MYBPHL: variants seen among roughly 807,000 people sequenced by gnomAD.
MYBPHL encodes myosin-binding protein H-like.
A neutral mutation model predicts 39.5 loss-of-function variants in MYBPHL; 32 were observed. The ratio of observed to expected loss-of-function variants is 0.81; its 90% CI spans 0.61 to 1.09. The LOEUF is 1.09. MYBPHL is among the 50% of genes least tolerant of loss of function. The pLI is 0.00. For synonymous variants in MYBPHL, 196 were observed against 183.7 expected (o/e 1.07, Z -0.54); for missense variants, 456 against 460.2 (o/e 0.99, Z 0.08).
chr1:109,297,004 C>T, intron 4 of MYBPHL, 46 bp downstream of exon 4: 1 of 1,613,932 alleles, frequency 6.2e-7, no homozygotes. Flanking sequence ...AGAGGCCTGT[C>T]CCAACATGCC....
chr1:109,295,053 C>A, intron 7 of MYBPHL, 58 bp downstream of exon 7: 1 of 1,575,560 alleles, frequency 6.3e-7, no homozygotes, highest in Non-Finnish European at 8.7e-7. Context: ...GACTCTTCCA[C>A]CGGTGGAGAG....
intron 1 of MYBPHL, among the ~76,000 whole-genome samples, chr1:109,304,208 A>G (rs944677822): frequency 4.6e-5 from 7 of 152,068 alleles, no homozygotes; most frequent in Admixed American, 6.6e-5. Flanking sequence ...ATTTTTACCT[A>G]TTTTGTTCAT....
chr1:109,296,103 G>A (rs1438072535), intron 6 of MYBPHL, 131 bp downstream of exon 6: 15 of 1,130,660 alleles, frequency 1.3e-5, no homozygotes, highest in South Asian at 6.3e-5. Context: ...CCTAAATACC[G>A]TGCTGTAGAA....
At chr1:109,293,580 A>G (rs1657938096) in intron 8 of MYBPHL, among the ~76,000 whole-genome samples, 2 of 144,886 alleles carry the variant, frequency 1.4e-5, no homozygotes, top group Non-Finnish European at 3.0e-5. Flanking sequence ...CGTCTCTACT[A>G]AAAAAAAAAA....
intron 5 of MYBPHL, 104 bp downstream of exon 5, chr1:109,296,679 T>A (rs1222163677): frequency 1.8e-5 from 25 of 1,356,688 alleles, no homozygotes; most frequent in Non-Finnish European, 2.6e-5. Context: ...CCTCAGGTGA[T>A]CCGCCTGCCT....
At position 109,302,039 on chromosome 1, in the gene MYBPHL, GTGTA is replaced by G. The variant is rs574246645; in HGVS notation, c.146-3786_146-3783del. Among the ~76,000 whole-genome samples the G allele has an allele frequency of 1.3e-3, 191 of 152,058 alleles. 1 individual carries two copies. The highest frequency in any genetic ancestry group is 4.0e-3 in the African/African-American group (166 of 41,500). On this transcript the variant is annotated intron_variant, in intron 1 of 8. Coordinates refer to ENST00000357155, the MANE Select transcript of MYBPHL (RefSeq NM_001010985.3). ...AGGGTGTGTGTGTGTTTGTATGAGT[GTGTA>G]TGTATGTGTGTGTGAGTGTATGTGT... is the stretch of plus-strand genomic sequence containing the variant.
chr1:109,298,047 AC>A (rs1658147260), intron 2 of MYBPHL, 121 bp downstream of exon 2: 2 of 825,780 alleles, frequency 2.4e-6, no homozygotes, highest in Non-Finnish European at 3.8e-6. Context: ...TGGTGGTGTG[AC>A]CCCTTCTATC....
chr1:109,304,118 CATCT>C (rs1658380921), intron 1 of MYBPHL, among the ~76,000 whole-genome samples: 1 of 152,224 alleles, frequency 6.6e-6, no homozygotes, highest in South Asian at 2.1e-4. Context: ...CATTTCTCAC[CATCT>C]GACATATTAG....
chr1:109,295,338 G>A lies in MYBPHL; in HGVS notation c.868-41C>T, dbSNP rs563877759. On this transcript the variant is annotated intron_variant, in intron 6 of 8. Coordinates refer to ENST00000357155, the MANE Select transcript of MYBPHL (RefSeq NM_001010985.3). ...GAGGGAGGCAGCAAGGAGGGGCGAGGGTAAGAACCAATAGTCTTTCTGTGC... is the reference window on the plus strand; with the variant it reads ...GAGGGAGGCAGCAAGGAGGGGCGAGAGTAAGAACCAATAGTCTTTCTGTGC... 12 of 1,574,074 alleles carry A rather than the reference G, an allele frequency of 7.6e-6. No homozygotes were observed. In the South Asian group the frequency reaches 1.4e-4, roughly 18 times the overall value.
In MYBPHL at chr1:109,294,770, C is replaced by T. The variant is rs961031552; in HGVS notation, c.1054+341G>A. Among the ~76,000 whole-genome samples, 51 of 152,226 alleles carry T rather than the reference C, an allele frequency of 3.4e-4. 1 individual carries two copies. The highest frequency in any genetic ancestry group is 1.3e-4 in the Non-Finnish European group (9 of 68,014). On this transcript the variant is annotated intron_variant, in intron 7 of 8. Coordinates refer to ENST00000357155, the MANE Select transcript of MYBPHL (RefSeq NM_001010985.3). The stretch of plus-strand genomic sequence containing the variant: ...ACAGCATAAAGAAAAATGAGCTGAG[C>T]GAGGACCCGGAGACCTGGGCTATTT...
chr1:109,294,082 A>G lies in MYBPHL; in HGVS notation c.*33+124T>C, dbSNP rs1657967967. On this transcript the variant is annotated intron_variant, in intron 8 of 8. Transcript: ENST00000357155. ...TCATTTCAAAAAAAAAATGGTTACA[A>G]CAAAAGTGGCCACCAGTGGATACAT... 4.4e-6 allele frequency: 3 copies of G among 679,162 alleles called. No individual in the cohort carries two copies. In the South Asian group the frequency reaches 5.3e-5, roughly 12 times the overall value. 42.1% of individuals were successfully genotyped at this position (679,162 alleles called of 1,614,324 possible).
At chr1:109,299,000 GA>G in intron 1 of MYBPHL, among the ~76,000 whole-genome samples, 1 of 152,202 alleles carries the variant, frequency 6.6e-6, no homozygotes, top group East Asian at 1.9e-4. Flanking sequence ...ATGAAGACAG[GA>G]AATGCTTGGA....
intron 7 of MYBPHL, among the ~76,000 whole-genome samples, chr1:109,294,814 CAACT>C (rs1570844303): frequency 6.6e-6 from 1 of 152,184 alleles, no homozygotes; most frequent in Admixed American, 6.5e-5. Flanking sequence ...GCCAGGTGAT[CAACT>C]AACTGACACT....
chr1:109,302,188 G>A (rs1341405717), intron 1 of MYBPHL, among the ~76,000 whole-genome samples: 2 of 152,084 alleles, frequency 1.3e-5, no homozygotes, highest in Non-Finnish European at 2.9e-5. Flanking sequence ...GAGGGAGCCT[G>A]CATACACACG....
chr1:109,307,008 G>C lies in MYBPHL; in HGVS notation c.-17C>G. ...TGCCTCCATGCTGGGCCTTCCCAGA[G>C]GCTGAGCTCCAGCTCTAGATTTTCA... On this transcript the variant is annotated 5_prime_UTR_variant, in exon 1 of 9. Coordinates refer to ENST00000357155, the MANE Select transcript of MYBPHL (RefSeq NM_001010985.3). 1.9e-6 allele frequency: 3 copies of C among 1,605,568 alleles called. No individual in the cohort carries two copies. The highest frequency in any genetic ancestry group is 2.6e-6 in the Non-Finnish European group (3 of 1,176,466).
Position 109,298,180 on chromosome 1 carries a change from T to G in MYBPHL, c.223A>C (p.Ile75Leu), listed in dbSNP as rs1211993521. 1 of 1,608,758 alleles carries G rather than the reference T, an allele frequency of 6.2e-7. No homozygotes were observed. The highest frequency in any genetic ancestry group is 8.5e-7 in the Non-Finnish European group (1 of 1,177,840). The change falls in exon 2 of 9, where the codon ATC becomes CTC. Residue 75 changes from isoleucine to leucine, a missense_variant. Coordinates refer to ENST00000357155, the MANE Select transcript of MYBPHL (RefSeq NM_001010985.3). ...GCTGGCATGATCACCTGGAATGGGA[T>G]TAGTAGGTTCACTGTGTCCCCAACC... ...RKVGDTVNLL[I>L]PFQGKPKPQA...
rs147779360 is a variant in MYBPHL at position 109,294,262 on chromosome 1, G to C, written c.1055-13C>G. 3 of 1,608,364 alleles carry C rather than the reference G, an allele frequency of 1.9e-6. No homozygotes were observed. In the African/African-American group the frequency reaches 4.0e-5, roughly 22 times the overall value. ...CCTCAATTAGGAACTGTAATAATTC[G>C]GACATTTCTCAGTGTTAACATCTCA... On this transcript the variant is annotated splice_polypyrimidine_tract_variant and intron_variant, in intron 7 of 8. Transcript: ENST00000357155.
At chr1:109,306,515 C>T (rs1489580434) in intron 1 of MYBPHL, among the ~76,000 whole-genome samples, 2 of 152,176 alleles carry the variant, frequency 1.3e-5, no homozygotes, top group Non-Finnish European at 2.9e-5. Flanking sequence ...TCCTGACTGG[C>T]CATTAGTATA....
chr1:109,294,993 A>G, intron 7 of MYBPHL, 118 bp downstream of exon 7: 4 of 841,832 alleles, frequency 4.8e-6, no homozygotes, highest in Non-Finnish European at 5.5e-6. Context: ...GTGATGAAAG[A>G]GTCCAGCGGA....
Sources: allele counts gnomAD v4.1 joint callset (sites outside exome capture counted in the v4.1 genomes callset), GRCh38; gene constraint gnomAD v4.1.1; transcripts MANE v1.5; gene names NCBI Gene and HGNC (gene_info 2026-07-23, HGNC 2026-07-21).